DLG2: variants seen among roughly 807,000 people sequenced by gnomAD.
The protein encoded by DLG2 is disks large homolog 2.
Under a neutral mutation model 132.5 loss-of-function variants are expected in DLG2, and 45 were observed. The observed-to-expected ratio is 0.34, with a 90% CI of 0.27 to 0.44. DLG2 has a LOEUF of 0.44. Ranked by LOEUF, DLG2 falls within the 20% of genes least tolerant of loss-of-function variation. The probability of loss-of-function intolerance (pLI) is 1.00; values close to 1 mark genes in which losing one functional copy is unlikely to be tolerated. For missense variants in DLG2, 1,045 were observed against 1,196.9 expected, an observed-to-expected ratio of 0.87 and a Z score of 1.87; for synonymous variants, 424 against 419.6, an observed-to-expected ratio of 1.01 and a Z score of -0.13.
intron 19 of DLG2, among the ~76,000 whole-genome samples, chr11:83,610,215 G>C (rs1291626612): frequency 6.6e-6 from 1 of 152,118 alleles, no homozygotes; most frequent in East Asian, 1.9e-4. Flanking sequence ...ATGTCGGACA[G>C]GAAGGGATCC....
At chr11:84,186,696 G>A (rs1019763002) in intron 8 of DLG2, among the ~76,000 whole-genome samples, 2 of 151,814 alleles carry the variant, frequency 1.3e-5, no homozygotes, top group African/African-American at 4.8e-5. Flanking sequence ...TTGCCAGTTC[G>A]AGTTACAGGC....
intron 4 of DLG2, among the ~76,000 whole-genome samples, chr11:85,250,174 A>C (rs2076329269): frequency 6.6e-6 from 1 of 152,180 alleles, no homozygotes. Context: ...GACGGTTTTA[A>C]AGGCACAAAA....
intron 6 of DLG2, among the ~76,000 whole-genome samples, chr11:84,688,944 A>G (rs899176667): frequency 6.6e-6 from 1 of 152,092 alleles, no homozygotes; most frequent in African/African-American, 2.4e-5. Flanking sequence ...ACAGAAATCA[A>G]CTGATCCTGA....
At chr11:83,952,182 C>CA (rs1313850782) in intron 14 of DLG2, among the ~76,000 whole-genome samples, 1 of 151,964 alleles carries the variant, frequency 6.6e-6, no homozygotes, top group African/African-American at 2.4e-5. Context: ...CCTGTCTCTA[C>CA]AAAAAATGCA....
intron 4 of DLG2, among the ~76,000 whole-genome samples, chr11:85,214,660 G>T (rs2082462673): frequency 6.6e-6 from 1 of 152,038 alleles, no homozygotes; most frequent in African/African-American, 2.4e-5. Context: ...ATCCTAAGCT[G>T]GTCTCCAAGA....
intron 3 of DLG2, among the ~76,000 whole-genome samples, chr11:85,355,047 A>G (rs1382016897): frequency 6.6e-6 from 1 of 152,148 alleles, no homozygotes; most frequent in Non-Finnish European, 1.5e-5. Context: ...TTTTGACAAT[A>G]TATTTTCTAT....
At chr11:85,609,314 T>C (rs2080822003) in intron 2 of DLG2, among the ~76,000 whole-genome samples, 1 of 152,164 alleles carries the variant, frequency 6.6e-6, no homozygotes, top group South Asian at 2.1e-4. Flanking sequence ...AAGCAAGCCC[T>C]GGGCCCTGAA....
intron 6 of DLG2, among the ~76,000 whole-genome samples, chr11:84,651,050 CA>C (rs1284255781): frequency 6.6e-6 from 1 of 151,314 alleles, no homozygotes; most frequent in Non-Finnish European, 1.5e-5. Context: ...TTTCTGAAAG[CA>C]AACATTATCT....
chr11:85,513,184 G>A (rs964041181), intron 3 of DLG2, among the ~76,000 whole-genome samples: 1 of 151,838 alleles, frequency 6.6e-6, no homozygotes, highest in African/African-American at 2.4e-5. Flanking sequence ...AAACACTGAG[G>A]ATTCTAGAAG....
intron 6 of DLG2, among the ~76,000 whole-genome samples, chr11:84,645,939 T>C (rs2099674403): frequency 6.6e-6 from 1 of 152,166 alleles, no homozygotes. Flanking sequence ...GCTAACTCAG[T>C]GAAAAGAACT....
intron 14 of DLG2, among the ~76,000 whole-genome samples, chr11:83,938,760 C>A (rs2082038480): frequency 6.6e-6 from 1 of 152,154 alleles, no homozygotes; most frequent in Admixed American, 6.5e-5. Context: ...AATCTGATTG[C>A]AGGAACAGAG....
chr11:84,294,827 G>C (rs1046196324), intron 7 of DLG2, among the ~76,000 whole-genome samples: 1 of 151,948 alleles, frequency 6.6e-6, no homozygotes, highest in African/African-American at 2.4e-5. Context: ...ATATCTAGTT[G>C]TCTTCCAAAT....
At chr11:83,616,100 T>C (rs1024759456) in intron 19 of DLG2, among the ~76,000 whole-genome samples, 2 of 152,226 alleles carry the variant, frequency 1.3e-5, no homozygotes, top group African/African-American at 2.4e-5. Context: ...TTGTTGTATA[T>C]TATCCTTTTG....
At chr11:85,445,004 T>A (rs1020921683) in intron 3 of DLG2, among the ~76,000 whole-genome samples, 3 of 152,076 alleles carry the variant, frequency 2.0e-5, no homozygotes, top group African/African-American at 7.2e-5. Context: ...ATTTAAAACA[T>A]TAAAACCAAA....
intron 7 of DLG2, among the ~76,000 whole-genome samples, chr11:84,346,432 T>A (rs566194073): frequency 6.6e-6 from 1 of 152,286 alleles, no homozygotes; most frequent in Non-Finnish European, 1.5e-5. Context: ...GGTAAAAAAG[T>A]GGTAAGCGTA....
At position 85,549,124 on chromosome 11, in the gene DLG2, C is replaced by T. The variant is rs114439606; in HGVS notation, c.40+49533G>A. Among the ~76,000 whole-genome samples, 1,045 of 152,266 alleles carry T rather than the reference C, an allele frequency of 6.9e-3. 18 individuals are homozygous for T. The highest frequency in any genetic ancestry group is 0.024 in the African/African-American group (1,014 of 41,560). Reference sequence around the variant, plus strand: ...AAACCCAGAGCCCTGGTGGCTTGGGCGCTGGAGTGAATCTCCTGGGTCCGC... The same window carrying T: ...AAACCCAGAGCCCTGGTGGCTTGGGTGCTGGAGTGAATCTCCTGGGTCCGC... On this transcript the variant is annotated intron_variant, in intron 3 of 27. Transcript: ENST00000376104.
At chr11:83,705,858 A>G (rs749316262) in intron 18 of DLG2, among the ~76,000 whole-genome samples, 3 of 152,208 alleles carry the variant, frequency 2.0e-5, no homozygotes, top group Non-Finnish European at 4.4e-5. Context: ...CTATGCTTGG[A>G]AGGCAAAAGA....
intron 6 of DLG2, among the ~76,000 whole-genome samples, chr11:84,548,438 C>G (rs1296552424): frequency 4.0e-5 from 6 of 150,362 alleles, no homozygotes; most frequent in African/African-American, 1.5e-4. Context: ...ACCCGCCCCC[C>G]ACCCCACAAC....
At chr11:84,972,335 T>C (rs866973421) in intron 6 of DLG2, among the ~76,000 whole-genome samples, 1 of 152,194 alleles carries the variant, frequency 6.6e-6, no homozygotes, top group South Asian at 2.1e-4. Context: ...AGTCTTTTAA[T>C]CTACTTTTCC....
Sources: allele counts gnomAD v4.1 joint callset (sites outside exome capture counted in the v4.1 genomes callset), GRCh38; gene constraint gnomAD v4.1.1; transcripts MANE v1.5; gene names NCBI Gene and HGNC (gene_info 2026-07-23, HGNC 2026-07-21).